SLC12A3: variants seen among roughly 807,000 people sequenced by gnomAD.
SLC12A3 encodes the protein Na-Cl cotransporter.
Under a neutral mutation model 121.0 loss-of-function variants are expected in SLC12A3, and 104 were observed. That is an observed-to-expected ratio of 0.86 (90% confidence interval 0.73 to 1.01). The LOEUF (loss-of-function observed/expected upper bound fraction) is 1.01. Ranked by LOEUF, SLC12A3 falls within the 50% of genes least tolerant of loss-of-function variation. The probability of loss-of-function intolerance (pLI) is 0.00; values close to 1 mark genes in which losing one functional copy is unlikely to be tolerated. For synonymous variants in SLC12A3, 536 were observed against 533.4 expected, an observed-to-expected ratio of 1.00 and a Z score of -0.07; for missense variants, 1,328 against 1,356.3, an observed-to-expected ratio of 0.98 and a Z score of 0.33.
intron 22 of SLC12A3, among the ~76,000 whole-genome samples, chr16:56,898,553 C>T (rs184380162): frequency 4.6e-4 from 70 of 152,234 alleles, no homozygotes; most frequent in Admixed American, 7.2e-4. Context: ...CCACTGCGCC[C>T]GGCCAGGTGT....
chr16:56,906,605 C>T (rs1255755600), intron 25 of SLC12A3: 5 of 342,732 alleles, frequency 1.5e-5, no homozygotes, highest in East Asian at 6.3e-5. Flanking sequence ...AACAAATGGT[C>T]GTCTATGTCC....
chr16:56,913,265 A>T lies in SLC12A3; in HGVS notation c.2926A>T (p.Thr976Ser), dbSNP rs759635300. 6.2e-7 allele frequency: 1 copy of T among 1,614,116 alleles called. No homozygotes were observed. Among genetic ancestry groups the T allele is most frequent in the African/African-American group, 1.3e-5 (1 of 75,022 alleles). The change falls in exon 26 of 26, where the codon ACT becomes TCT. Residue 976 changes from threonine to serine, a missense_variant and splice_region_variant. By Grantham distance (58) the Thr-to-Ser change is moderately conservative. Coordinates refer to ENST00000563236, the MANE Select transcript of SLC12A3 (RefSeq NM_001126108.2). ...CTACCACTTTTTCATGCCTTGCAGC[A>T]CTTTGCCCATAGGGAGGAAGGGGAA... ...YSRDAALIVITLPIGRKGKCP... is the reference protein window; with the variant it reads ...YSRDAALIVISLPIGRKGKCP...
intron 19 of SLC12A3, among the ~76,000 whole-genome samples, chr16:56,890,595 C>T (rs910957594): frequency 3.9e-5 from 6 of 151,982 alleles, no homozygotes; most frequent in Admixed American, 6.6e-5. Flanking sequence ...ACAATTGGGT[C>T]GGGGCAAAAG....
At chr16:56,872,506 ACT>A (rs1229448905) in intron 7 of SLC12A3, 44 bp downstream of exon 7, 6 of 1,582,422 alleles carry the variant, frequency 3.8e-6, no homozygotes, top group Middle Eastern at 1.7e-4. Flanking sequence ...GGGGACAGGG[ACT>A]CTCTACCCAG....
rs769001837 is a variant in SLC12A3, at chr16:56,886,484, C to T, written c.2037+9C>T. The T allele has an allele frequency of 3.7e-6, 6 of 1,608,562 alleles. No individual in the cohort carries two copies. In the East Asian group the frequency reaches 8.9e-5, roughly 24 times the overall value. On this transcript the variant is annotated intron_variant, in intron 16 of 25. Transcript: ENST00000563236. ...GTGGCCACGTGCTCATCGTGAGTGG[C>T]CCCTGGAGGGGCACAGGGGACCAGG...
intron 9 of SLC12A3, 43 bp from the exon 10 acceptor site, chr16:56,879,030 G>A: frequency 6.4e-7 from 1 of 1,574,050 alleles, no homozygotes; most frequent in Non-Finnish European, 8.6e-7. Flanking sequence ...GACAGAGTAA[G>A]GAGGGAAGGC....
intron 23 of SLC12A3, among the ~76,000 whole-genome samples, chr16:56,900,342 G>A (rs1374456431): frequency 6.6e-6 from 1 of 152,104 alleles, no homozygotes; most frequent in South Asian, 2.1e-4. Flanking sequence ...TGAAAGCCAA[G>A]GGCAGTTGCA....
chr16:56,899,569 T>A lies in SLC12A3; in HGVS notation c.2673T>A (p.His891Gln). 1 of 1,614,164 alleles carries A rather than the reference T, an allele frequency of 6.2e-7. No homozygotes were observed. Among genetic ancestry groups the A allele is most frequent in the South Asian group, 1.1e-5 (1 of 91,090 alleles). Residue 891 changes from histidine (H) to glutamine (Q), a missense_variant, in exon 23 of 26, where the codon CAT becomes CAA. Coordinates refer to ENST00000563236, the MANE Select transcript of SLC12A3 (RefSeq NM_001126108.2). ...TGAGCAAGTTCCGACTGGGATTCCA[T>A]GAAGTCCACATCCTCCCTGACATCA... ...SLLSKFRLGFHEVHILPDINQ... is the reference protein window; with the variant it reads ...SLLSKFRLGFQEVHILPDINQ...
chr16:56,869,688 C>A, intron 3 of SLC12A3, 41 bp from the exon 4 acceptor site: 1 of 1,564,990 alleles, frequency 6.4e-7, no homozygotes, highest in South Asian at 1.1e-5. Context: ...GGGCTCCTCC[C>A]TTGGGAAATG....
At chr16:56,881,647 G>A (rs1400455235) in intron 12 of SLC12A3, among the ~76,000 whole-genome samples, 2 of 152,080 alleles carry the variant, frequency 1.3e-5, no homozygotes, top group Non-Finnish European at 2.9e-5. Context: ...TAGCAGGGGA[G>A]GGGAACAGGG....
rs1311687698 is a variant in SLC12A3 at position 56,867,350 on chromosome 16, T to C, written c.429+134T>C. ...CATCTGTACAATGAATTCAATGAGT[T>C]AATAGATCAATAGACAATAGATTAA... is the stretch of plus-strand genomic sequence containing the variant. On this transcript the variant is annotated intron_variant, in intron 2 of 25. Transcript: ENST00000563236. The C allele has an allele frequency of 5.5e-6, 5 of 914,296 alleles. No individual in the cohort carries two copies. The East Asian group carries it at 1.1e-4, about 19-fold the overall frequency. 56.6% of individuals were successfully genotyped at this position (914,296 alleles called of 1,614,324 possible).
In SLC12A3 at chr16:56,872,652, C is replaced by G; in HGVS notation, c.965-4C>G. On this transcript the variant is annotated splice_region_variant and splice_polypyrimidine_tract_variant and intron_variant, in intron 7 of 25. Transcript: ENST00000563236. Reference sequence around the variant, plus strand: ...GCCTTACTCATCAGGCCTTGCTTTTCCAGCGGACATTTTTGTCCAGAACTT... The same window carrying G: ...GCCTTACTCATCAGGCCTTGCTTTTGCAGCGGACATTTTTGTCCAGAACTT... 1 of 1,614,260 alleles carries G rather than the reference C, an allele frequency of 6.2e-7. No individual in the cohort carries two copies.
intron 23 of SLC12A3, among the ~76,000 whole-genome samples, chr16:56,901,759 C>T (rs533854917): frequency 6.6e-6 from 1 of 152,334 alleles, no homozygotes; most frequent in Admixed American, 6.5e-5. Flanking sequence ...TCTCTGCCTG[C>T]CTGTCCTCAC....
At chr16:56,897,544 C>G (rs530846188) in intron 22 of SLC12A3, among the ~76,000 whole-genome samples, 1 of 152,210 alleles carries the variant, frequency 6.6e-6, no homozygotes, top group Admixed American at 6.5e-5. Flanking sequence ...CCTGGGAAAG[C>G]CCCTTTTCTG....
chr16:56,893,975 A>AT (rs781025858), intron 21 of SLC12A3, among the ~76,000 whole-genome samples: 5 of 51,938 alleles, frequency 9.6e-5, no homozygotes, highest in South Asian at 5.9e-4. Context: ...TTTTTATTTT[A>AT]TTTATTTATT....
Position 56,887,058 on chromosome 16 carries a change from G to A in SLC12A3, c.2143G>A (p.Glu715Lys), listed in dbSNP as rs766585725. Residue 715 changes from glutamate (E) to lysine (K), a missense_variant, in exon 17 of 26, where the codon GAG becomes AAG. Physicochemically the swap from Glu to Lys is moderately conservative, Grantham distance 56. Coordinates refer to ENST00000563236, the MANE Select transcript of SLC12A3 (RefSeq NM_001126108.2). ...IKAFYSDVIA[E>K]DLRRGVQILM... ...GGCCTTCTACTCGGATGTCATTGCCGAGGACCTCCGCAGAGGCGTCCAGAT... is the reference window on the plus strand; with the variant it reads ...GGCCTTCTACTCGGATGTCATTGCCAAGGACCTCCGCAGAGGCGTCCAGAT... 5 of 1,614,028 alleles carry A rather than the reference G, an allele frequency of 3.1e-6. No individual in the cohort carries two copies. The highest frequency in any genetic ancestry group is 2.2e-5 in the East Asian group (1 of 44,884).
intron 18 of SLC12A3, among the ~76,000 whole-genome samples, chr16:56,888,934 C>T (rs1323424921): frequency 6.6e-6 from 1 of 152,104 alleles, no homozygotes; most frequent in African/African-American, 2.4e-5. Flanking sequence ...CTGTGGGCTC[C>T]AGAAGGTGCA....
rs746307638 is a variant in SLC12A3 at position 56,869,749 on chromosome 16, C to G, written c.526C>G (p.Leu176Val). ...TGCAGTCCTGACCTGGATCATCATC[C>G]TGCTGTCGGTCACGGTGACCTCCAT... ...AGIVLTWIII[L>V]LSVTVTSITG... Residue 176 changes from leucine (L) to valine (V), a missense_variant, in exon 4 of 26, where the codon CTG becomes GTG. Leu to Val is a conservative substitution (Grantham distance 32). Transcript: ENST00000563236. 6.2e-7 allele frequency: 1 copy of G among 1,614,182 alleles called. No individual in the cohort carries two copies. The highest frequency in any genetic ancestry group is 1.1e-5 in the South Asian group (1 of 91,086).
intron 19 of SLC12A3, 72 bp downstream of exon 19, chr16:56,890,428 A>C (rs899406060): frequency 1.8e-5 from 22 of 1,218,416 alleles, no homozygotes; most frequent in Middle Eastern, 1.9e-4. Context: ...CAGAGGGAAA[A>C]ATGAGTAAGA....
Sources: gnomAD v4.1 joint callset for allele counts (sites outside exome capture counted in the v4.1 genomes callset) on GRCh38, gnomAD v4.1.1 for gene constraint, MANE v1.5 for transcripts, NCBI Gene and HGNC (gene_info 2026-07-23, HGNC 2026-07-21) for gene names.